AKR1B10: variants seen among roughly 807,000 people sequenced by gnomAD.
AKR1B10 encodes ARP.
In AKR1B10, 39 loss-of-function variants were observed where a neutral mutation model predicts 38.9. The ratio of observed to expected loss-of-function variants is 1.00; its 90% CI spans 0.78 to 1.31. The LOEUF (loss-of-function observed/expected upper bound fraction) is 1.31. AKR1B10 is among the 50% of genes most tolerant of loss of function. The pLI is 0.00. For missense variants in AKR1B10, 361 were observed against 382.6 expected (o/e 0.94, Z 0.47); for synonymous variants, 148 against 141.2 (o/e 1.05, Z -0.34).
At chr7:134,533,475 C>T (rs999383078) in intron 4 of AKR1B10, among the ~76,000 whole-genome samples, 10 of 152,098 alleles carry the variant, frequency 6.6e-5, no homozygotes, top group Non-Finnish European at 1.2e-4. Flanking sequence ...ATACATACTA[C>T]CAATATATAT....
chr7:134,536,942 G>T (rs706159), intron 5 of AKR1B10, 109 bp from the exon 6 acceptor site: 1 of 1,581,416 alleles, frequency 6.3e-7, no homozygotes, highest in East Asian at 2.2e-5. Flanking sequence ...ATCTCAGTGG[G>T]CAGGTGTTTG....
chr7:134,537,298 T>C lies in AKR1B10; in HGVS notation c.659+141T>C, dbSNP rs553197024. ...ACACGTTTGGTACACACAAATGGGA[T>C]GGCAGTGGGAAAAAATGGGAATTAA... On this transcript the variant is annotated intron_variant, in intron 6 of 9. Coordinates refer to ENST00000359579, the MANE Select transcript of AKR1B10 (RefSeq NM_020299.5). The C allele has an allele frequency of 1.7e-5, 22 of 1,281,014 alleles. No individual in the cohort carries two copies. In the East Asian group the frequency reaches 3.6e-4, roughly 21 times the overall value. The allele number at this position is 1,281,014 out of a possible 1,614,324, so 79.4% of individuals were successfully genotyped here.
chr7:134,534,088 G>A (rs915614639), intron 4 of AKR1B10, among the ~76,000 whole-genome samples: 4 of 152,108 alleles, frequency 2.6e-5, no homozygotes, highest in Middle Eastern at 3.2e-3. Context: ...TCTGTGTATT[G>A]TTTGTTCAAA....
At chr7:134,537,713 G>A (rs748759196) in intron 7 of AKR1B10, 52 bp downstream of exon 7, 40 of 1,597,506 alleles carry the variant, frequency 2.5e-5, no homozygotes, top group South Asian at 6.6e-5. Flanking sequence ...TTCCAGTCTC[G>A]TGTTTCATAT....
chr7:134,537,977 TC>T (rs1334902007), intron 7 of AKR1B10, among the ~76,000 whole-genome samples: 1 of 151,722 alleles, frequency 6.6e-6, no homozygotes, highest in Admixed American at 6.6e-5. Flanking sequence ...GCTACTTTCT[TC>T]ATTCCTAAAA....
chr7:134,529,910 T>C (rs927997279), intron 1 of AKR1B10, among the ~76,000 whole-genome samples: 6 of 152,190 alleles, frequency 3.9e-5, no homozygotes, highest in African/African-American at 1.4e-4. Context: ...TCTCTTTTTT[T>C]TCTGAAACGA....
intron 9 of AKR1B10, among the ~76,000 whole-genome samples, chr7:134,540,785 G>A (rs1330626687): frequency 2.0e-5 from 3 of 152,034 alleles, no homozygotes; most frequent in Non-Finnish European, 2.9e-5. Context: ...CTGTCACCTC[G>A]CCTGACACCA....
intron 9 of AKR1B10, 146 bp downstream of exon 9, chr7:134,539,163 C>A (rs551548063): frequency 3.4e-6 from 3 of 878,818 alleles, no homozygotes; most frequent in Non-Finnish European, 5.3e-6. Context: ...AATTGGGGTA[C>A]CTGGGAATCA....
Position 134,527,909 on chromosome 7 carries a change from A to T in AKR1B10, c.-3A>T. 10 of 1,613,102 alleles carry T rather than the reference A, an allele frequency of 6.2e-6. No individual in the cohort carries two copies. The highest frequency in any genetic ancestry group is 7.6e-6 in the Non-Finnish European group (9 of 1,179,912). On this transcript the variant is annotated 5_prime_UTR_variant, in exon 1 of 10. Coordinates refer to ENST00000359579, the MANE Select transcript of AKR1B10 (RefSeq NM_020299.5). ...CTCACTCAGAATCATTTCTGCACCA[A>T]CCATGGCCACGTTTGTGGAGCTCAG...
chr7:134,539,060 TC>T, intron 9 of AKR1B10, 43 bp downstream of exon 9: 1 of 1,610,158 alleles, frequency 6.2e-7, no homozygotes, highest in African/African-American at 1.3e-5. Context: ...CAGGAGTTTT[TC>T]TAAACTAATA....
intron 9 of AKR1B10, 27 bp from the exon 10 acceptor site, chr7:134,541,020 G>C: frequency 6.6e-7 from 1 of 1,507,490 alleles, no homozygotes; most frequent in Non-Finnish European, 9.2e-7. Context: ...CAGTTTCTCT[G>C]TTTTTGTTTT....
intron 4 of AKR1B10, chr7:134,535,784 G>C (rs1232327394): frequency 9.4e-6 from 7 of 741,610 alleles, no homozygotes; most frequent in Non-Finnish European, 1.2e-5. Context: ...ACTTTAATTG[G>C]ACTATAAGAA....
intron 3 of AKR1B10, 115 bp downstream of exon 3, chr7:134,532,139 T>C: frequency 1.6e-6 from 2 of 1,278,564 alleles, no homozygotes. Flanking sequence ...CATTTCATAA[T>C]TGGGAATGGC....
chr7:134,536,930 G>T lies in AKR1B10; in HGVS notation c.553-121G>T, dbSNP rs141397921. 66 of 1,581,630 alleles carry T rather than the reference G, an allele frequency of 4.2e-5. No homozygotes were observed. In the East Asian group the frequency reaches 1.4e-3, roughly 34 times the overall value. ...GCTGATCTCACGGGTGATTTAGCAA[G>T]TATCTCAGTGGGCAGGTGTTTGGCC... On this transcript the variant is annotated intron_variant, in intron 5 of 9. Transcript: ENST00000359579.
At position 134,536,745 on chromosome 7, in the gene AKR1B10, A is replaced by C; in HGVS notation, c.525A>C (p.Gly175=). 1.2e-6 allele frequency: 2 copies of C among 1,613,894 alleles called. No individual in the cohort carries two copies. The highest frequency in any genetic ancestry group is 1.7e-6 in the Non-Finnish European group (2 of 1,179,820). ...TCGAGAAGCTCTTGAACAAACCTGG[A>C]CTGAAATATAAACCAGTGACTAACC... is the stretch of plus-strand genomic sequence containing the variant. The part of the protein sequence containing the change: ...FQIEKLLNKP[G]LKYKPVTNQV... The change falls in exon 5 of 10, where the codon GGA becomes GGC. Residue 175 remains glycine, a synonymous_variant. Coordinates refer to ENST00000359579, the MANE Select transcript of AKR1B10 (RefSeq NM_020299.5).
At chr7:134,539,893 C>T (rs1307554421) in intron 9 of AKR1B10, among the ~76,000 whole-genome samples, 1 of 152,212 alleles carries the variant, frequency 6.6e-6, no homozygotes, top group African/African-American at 2.4e-5. Context: ...ATTTGAATCT[C>T]TTTCAATGTT....
intron 9 of AKR1B10, 79 bp downstream of exon 9, chr7:134,539,096 G>T (rs1808085648): frequency 6.4e-7 from 1 of 1,559,670 alleles, no homozygotes; most frequent in African/African-American, 1.4e-5. Flanking sequence ...AGGATTGGAA[G>T]GCTGCTGGGA....
At chr7:134,531,812 G>A (rs1035889768) in intron 2 of AKR1B10, 96 bp from the exon 3 acceptor site, 4 of 1,415,006 alleles carry the variant, frequency 2.8e-6, no homozygotes, top group Non-Finnish European at 4.0e-6. Flanking sequence ...CTTGTGGTGG[G>A]TTAGATGAGG....
At chr7:134,533,235 C>G (rs1017777834) in intron 4 of AKR1B10, among the ~76,000 whole-genome samples, 154 bp downstream of exon 4, 3 of 152,148 alleles carry the variant, frequency 2.0e-5, no homozygotes, top group African/African-American at 7.2e-5. Flanking sequence ...TCACCTTTGG[C>G]TTTTGGGTAC....
Sources: allele counts gnomAD v4.1 joint callset (sites outside exome capture counted in the v4.1 genomes callset), GRCh38; gene constraint gnomAD v4.1.1; transcripts MANE v1.5; gene names NCBI Gene and HGNC (gene_info 2026-07-23, HGNC 2026-07-21).